Variants in SPMIP11 observed in about 807,000 individuals in gnomAD.
The protein encoded by SPMIP11 is sperm microtubule inner protein 11.
chr12:48,765,682 T>A, the SPMIP11 span: 1 of 702,720 alleles, frequency 1.4e-6, no homozygotes, highest in Non-Finnish European at 2.6e-6. Context: ...AAAGACAAGA[T>A]GAATTGTGGC....
the SPMIP11 span, chr12:48,771,452 C>T: frequency 1.7e-6 from 1 of 603,364 alleles, no homozygotes; most frequent in Non-Finnish European, 3.0e-6. This position sits in a 1 kb window ranked among gnomAD's most constrained non-coding sequence, Gnocchi z 4.3. Context: ...CCACCTGGTA[C>T]CTATCCTATC....
chr12:48,768,901 C>T, the SPMIP11 span: 180 of 1,586,014 alleles, frequency 1.1e-4, 1 homozygote, highest in Non-Finnish European at 8.6e-7. Flanking sequence ...CCTCCGGGCC[C>T]ATGTTCCTCC....
At chr12:48,730,690 C>T in the SPMIP11 span, among the ~76,000 whole-genome samples, 1 of 152,176 alleles carries the variant, frequency 6.6e-6, no homozygotes, top group African/African-American at 2.4e-5. Flanking sequence ...GTAATCCCAG[C>T]ACTTTGGGAG....
the SPMIP11 span, among the ~76,000 whole-genome samples, chr12:48,741,938 C>T: frequency 2.0e-5 from 3 of 152,182 alleles, no homozygotes; most frequent in African/African-American, 7.2e-5. Flanking sequence ...TGCACCCAGC[C>T]AACTACCCTA....
chr12:48,742,257 C>A, the SPMIP11 span, among the ~76,000 whole-genome samples: 1 of 145,830 alleles, frequency 6.9e-6, no homozygotes, highest in Non-Finnish European at 1.5e-5. Flanking sequence ...AAACATTCAG[C>A]TTCATTTTTC....
chr12:48,742,470 C>T, the SPMIP11 span, among the ~76,000 whole-genome samples: 23 of 151,460 alleles, frequency 1.5e-4, no homozygotes, highest in South Asian at 2.7e-3. Flanking sequence ...TCAGTAGAGA[C>T]GGGGTTTTAC....
chr12:48,758,060 C>T, the SPMIP11 span, among the ~76,000 whole-genome samples: 978 of 152,030 alleles, frequency 6.4e-3, 11 homozygotes, highest in African/African-American at 0.022. Context: ...CCCGGCACTT[C>T]GGGACGCTGA....
chr12:48,765,508 C>T, the SPMIP11 span: 14 of 680,584 alleles, frequency 2.1e-5, no homozygotes, highest in Admixed American at 1.2e-4. Context: ...GGATTACAGG[C>T]GTGAGCCACC....
chr12:48,733,873 C>T, the SPMIP11 span, among the ~76,000 whole-genome samples: 6 of 145,364 alleles, frequency 4.1e-5, no homozygotes, highest in East Asian at 4.3e-4. Flanking sequence ...CAGGTTCAAG[C>T]GATTCTCCTG....
chr12:48,738,308 G>A, the SPMIP11 span, among the ~76,000 whole-genome samples: 5 of 151,946 alleles, frequency 3.3e-5, no homozygotes, highest in Non-Finnish European at 7.4e-5. Flanking sequence ...AACTTATCTC[G>A]ATAATTCTGG....
chr12:48,728,029 C>T, the SPMIP11 span, among the ~76,000 whole-genome samples: 113 of 144,898 alleles, frequency 7.8e-4, no homozygotes, highest in African/African-American at 2.4e-3. Flanking sequence ...CCAGCCTGGG[C>T]GACAGAGCGA....
At chr12:48,746,222 C>T in the SPMIP11 span, among the ~76,000 whole-genome samples, 1 of 152,070 alleles carries the variant, frequency 6.6e-6, no homozygotes, top group East Asian at 1.9e-4. Context: ...TTGCAGAGTG[C>T]TTTTTTAAAA....
At chr12:48,758,679 TCTC>T in the SPMIP11 span, among the ~76,000 whole-genome samples, 1 of 152,154 alleles carries the variant, frequency 6.6e-6, no homozygotes, top group Non-Finnish European at 1.5e-5. Context: ...CTCCTGTCCT[TCTC>T]CTCTTCACCC....
the SPMIP11 span, chr12:48,771,151 A>G: frequency 3.2e-6 from 2 of 631,538 alleles, no homozygotes; most frequent in Non-Finnish European, 5.5e-6. This position sits in a 1 kb window ranked among gnomAD's most constrained non-coding sequence, Gnocchi z 4.3. Flanking sequence ...CTAGGACTCC[A>G]GGCAGGACTT....
the SPMIP11 span, among the ~76,000 whole-genome samples, chr12:48,741,115 C>T: frequency 7.4e-5 from 11 of 148,120 alleles, no homozygotes; most frequent in Non-Finnish European, 1.5e-4. Flanking sequence ...CTCTTGTTGC[C>T]CAGGCATACA....
chr12:48,761,451 A>C, the SPMIP11 span, among the ~76,000 whole-genome samples: 1 of 151,162 alleles, frequency 6.6e-6, no homozygotes, highest in Non-Finnish European at 1.5e-5. Context: ...ACTCCAAAAA[A>C]AAAAAAAAAA....
the SPMIP11 span, among the ~76,000 whole-genome samples, chr12:48,731,440 G>C: frequency 6.6e-6 from 1 of 151,868 alleles, no homozygotes; most frequent in East Asian, 1.9e-4. Context: ...GCAGTGAGCC[G>C]AGATTGCGCC....
At chr12:48,740,660 C>CTT in the SPMIP11 span, among the ~76,000 whole-genome samples, 3 of 141,934 alleles carry the variant, frequency 2.1e-5, no homozygotes, top group Non-Finnish European at 3.1e-5. Context: ...ACCTGGCCAA[C>CTT]TTTTTTTTTT....
At chr12:48,763,742 G>A in the SPMIP11 span, among the ~76,000 whole-genome samples, 39 of 145,900 alleles carry the variant, frequency 2.7e-4, no homozygotes, top group African/African-American at 7.9e-4. Context: ...GCAGTGGCAC[G>A]ATCTCAGCTC....
Sources: gnomAD v4.1 joint callset for allele counts (sites outside exome capture counted in the v4.1 genomes callset) on GRCh38, gnomAD v4.1.1 for gene constraint, Gnocchi (gnomAD v3.1) non-coding constraint, MANE v1.5 for transcripts, NCBI Gene and HGNC (gene_info 2026-07-23, HGNC 2026-07-21) for gene names.